Variants in KCTD18 observed in about 807,000 individuals in gnomAD.
KCTD18 encodes potassium channel tetramerization domain containing 18, also known as BTB/POZ domain-containing protein KCTD18.
Under a neutral mutation model 30.4 loss-of-function variants are expected in KCTD18, and 22 were observed. That is an observed-to-expected ratio of 0.72 (90% CI 0.52 to 1.03). The LOEUF (loss-of-function observed/expected upper bound fraction) is 1.03. Ranked by LOEUF, KCTD18 falls within the 50% of genes least tolerant of loss-of-function variation. The pLI, the probability that KCTD18 is intolerant of heterozygous loss-of-function variation, is 0.00. For missense variants in KCTD18, 529 were observed against 547.6 expected (o/e 0.97, Z 0.34); for synonymous variants, 186 against 209.0 (o/e 0.89, Z 0.95).
rs376966621 is a variant in KCTD18 at position 200,504,938 on chromosome 2, T to C, written c.182A>G (p.Asp61Gly). 4 of 1,613,852 alleles carry C rather than the reference T, an allele frequency of 2.5e-6. No individual in the cohort carries two copies. The highest frequency in any genetic ancestry group is 3.4e-6 in the Non-Finnish European group (4 of 1,179,918). Residue 61 changes from aspartate to glycine, a missense_variant, in exon 3 of 7, where the codon GAT (aspartate) becomes GGT (glycine). Asp to Gly is a moderately conservative substitution (Grantham distance 94). Coordinates refer to ENST00000359878, the MANE Select transcript of KCTD18 (RefSeq NM_152387.4). ...CAAAAGGTATTTAAATAGACGTCCA[T>C]CACGGTCAATAACACAAGCCCCTAG... ...DESGACVIDRDGRLFKYLLDY... is the reference protein window; with the variant it reads ...DESGACVIDRGGRLFKYLLDY...
chr2:200,492,425 A>C (rs902246221), intron 6 of KCTD18, among the ~76,000 whole-genome samples: 4 of 152,230 alleles, frequency 2.6e-5, no homozygotes, highest in Admixed American at 2.0e-4. Flanking sequence ...AGGTAAAATA[A>C]ATGATAATAA....
At chr2:200,492,053 T>G (rs1178620471) in intron 6 of KCTD18, among the ~76,000 whole-genome samples, 6 of 152,220 alleles carry the variant, frequency 3.9e-5, no homozygotes, top group Non-Finnish European at 7.3e-5. Flanking sequence ...AAATAATGCT[T>G]CGTAAACTTG....
intron 3 of KCTD18, among the ~76,000 whole-genome samples, chr2:200,500,147 A>G (rs1362498891): frequency 6.6e-6 from 1 of 151,598 alleles, no homozygotes; most frequent in African/African-American, 2.4e-5. Context: ...AATAAGAGCT[A>G]TCTATGACAA....
intron 1 of KCTD18, among the ~76,000 whole-genome samples, chr2:200,509,109 G>A (rs576709627): frequency 6.6e-6 from 1 of 152,218 alleles, no homozygotes; most frequent in Non-Finnish European, 1.5e-5. Context: ...GCCAGCCATT[G>A]TAAGAGACAC....
intron 2 of KCTD18, among the ~76,000 whole-genome samples, chr2:200,505,221 C>A (rs940390792): frequency 2.6e-5 from 4 of 152,198 alleles, no homozygotes; most frequent in African/African-American, 9.7e-5. Context: ...GTGGGACAAT[C>A]ACCTGTAGTT....
At chr2:200,502,970 C>T (rs888070301) in intron 3 of KCTD18, among the ~76,000 whole-genome samples, 1 of 148,804 alleles carries the variant, frequency 6.7e-6, no homozygotes, top group African/African-American at 2.5e-5. Context: ...GTAGAGGTTG[C>T]GGTGAACTGA....
Position 200,507,239 on chromosome 2 carries a change from G to T in KCTD18, c.-75-148C>A, listed in dbSNP as rs753126763. The T allele has an allele frequency of 1.6e-5, 6 of 368,666 alleles. No individual in the cohort carries two copies. In the East Asian group the frequency reaches 2.6e-4, roughly 16 times the overall value. 22.8% of individuals were successfully genotyped at this position (368,666 alleles called of 1,614,324 possible). A position where few individuals can be genotyped will look rare whatever the true frequency, so the allele number is the denominator to read the frequency against. ...ATTTTATATAATATAAGAGAATTTCGAGATATGCTAAGAAGTTGGAAAATG... is the reference window on the plus strand; with the variant it reads ...ATTTTATATAATATAAGAGAATTTCTAGATATGCTAAGAAGTTGGAAAATG... On this transcript the variant is annotated intron_variant, in intron 1 of 6. Transcript: ENST00000359878.
At chr2:200,505,026 A>G in intron 2 of KCTD18, 67 bp from the exon 3 acceptor site, 1 of 1,288,704 alleles carries the variant, frequency 7.8e-7, no homozygotes, top group Non-Finnish European at 1.1e-6. Context: ...CAACAAATCA[A>G]ACTAGGTCTG....
intron 1 of KCTD18, 68 bp from the exon 2 acceptor site, chr2:200,507,159 T>C (rs1302400672): frequency 3.7e-6 from 2 of 535,112 alleles, no homozygotes; most frequent in African/African-American, 1.9e-5. Context: ...ATAATAAATA[T>C]ACTTTAACAT....
intron 1 of KCTD18, among the ~76,000 whole-genome samples, chr2:200,507,979 T>C (rs2030285918): frequency 6.6e-6 from 1 of 152,110 alleles, no homozygotes; most frequent in South Asian, 2.1e-4. Flanking sequence ...CAGCCTGAGA[T>C]CAGAATTCTA....
chr2:200,497,800 GC>G lies in KCTD18; in HGVS notation c.613del (p.Ala205GlnfsTer3). 1 of 1,612,324 alleles carries G rather than the reference GC, an allele frequency of 6.2e-7. No individual in the cohort carries two copies. The highest frequency in any genetic ancestry group is 1.1e-5 in the South Asian group (1 of 91,034). ...VQYIWSYYSV[A>X]ELKKMMDAFD... ...GGCATCCATCATTTTCTTCAACTCT[GC>G]TACTGAATAATAGCTCCAAATGTAC... On this transcript the variant is annotated frameshift_variant, in exon 5 of 7. Coordinates refer to ENST00000359878, the MANE Select transcript of KCTD18 (RefSeq NM_152387.4). LOFTEE classifies it high-confidence loss of function.
At position 200,504,786 on chromosome 2, in the gene KCTD18, C is replaced by T; in HGVS notation, c.334G>A (p.Glu112Lys). Reference protein sequence around the residue: ...SLSDHLANEMETYSLRSNIEL... With the variant: ...SLSDHLANEMKTYSLRSNIEL... Reference sequence around the variant, plus strand: ...ATATTTGACCTTAAAGAATATGTCTCCATTTCATTGGCCAAATGGTCAGAC... The same window carrying T: ...ATATTTGACCTTAAAGAATATGTCTTCATTTCATTGGCCAAATGGTCAGAC... Residue 112 changes from glutamate to lysine, a missense_variant, in exon 3 of 7, where the codon GAG becomes AAG. Transcript: ENST00000359878. 6.2e-7 allele frequency: 1 copy of T among 1,614,134 alleles called. No individual in the cohort carries two copies.
At chr2:200,497,262 T>C (rs2088010667) in intron 5 of KCTD18, 1 of 157,960 alleles carries the variant, frequency 6.3e-6, no homozygotes. Flanking sequence ...TAAGAGATAC[T>C]GAATGTAAAC....
At chr2:200,492,321 C>G (rs2087931594) in intron 6 of KCTD18, among the ~76,000 whole-genome samples, 1 of 152,150 alleles carries the variant, frequency 6.6e-6, no homozygotes, top group Admixed American at 6.5e-5. Flanking sequence ...AAAATGTTGC[C>G]AAACATTGTC....
chr2:200,492,032 T>C (rs939680627), intron 6 of KCTD18, among the ~76,000 whole-genome samples: 7 of 152,204 alleles, frequency 4.6e-5, no homozygotes, highest in Non-Finnish European at 7.3e-5. Flanking sequence ...GTTATCCTGT[T>C]GATGCATCAA....
intron 4 of KCTD18, among the ~76,000 whole-genome samples, chr2:200,498,440 T>C (rs1048810775): frequency 1.3e-5 from 2 of 152,200 alleles, no homozygotes; most frequent in African/African-American, 4.8e-5. Context: ...AGTCATAAAA[T>C]TCTAAAGCTG....
intron 5 of KCTD18, 130 bp from the exon 6 acceptor site, chr2:200,493,404 C>G: frequency 1.6e-6 from 1 of 641,654 alleles, no homozygotes; most frequent in East Asian, 2.7e-5. Flanking sequence ...GTGTGCACAA[C>G]ATGAACAGGA....
rs765040191 is a variant in KCTD18, at chr2:200,497,842, G to A, written c.572C>T (p.Ala191Val). ...CCAAATGTACTGAACATTATTTCCC[G>A]CCTCTCTAGAAATATTGCAAAGAGT... ...IHSKGIFKRE[A>V]GNNVQYIWSY... The change falls in exon 5 of 7, where the codon GCG (alanine) becomes GTG (valine). Residue 191 changes from alanine to valine, a missense_variant. Ala to Val is a moderately conservative substitution (Grantham distance 64, BLOSUM62 0). Coordinates refer to ENST00000359878, the MANE Select transcript of KCTD18 (RefSeq NM_152387.4). 3.0e-5 allele frequency: 48 copies of A among 1,605,504 alleles called. No individual in the cohort carries two copies. The highest frequency in any genetic ancestry group is 1.6e-4 in the Middle Eastern group (1 of 6,070).
In KCTD18 at chr2:200,490,353, G is replaced by A. The variant is rs1287920054; in HGVS notation, c.1028C>T (p.Pro343Leu). Residue 343 changes from proline to leucine, a missense_variant, in exon 7 of 7, where the codon CCT becomes CTT. Physicochemically the swap from Pro to Leu is moderately conservative, Grantham distance 98 (BLOSUM62 -3). Transcript: ENST00000359878. ...GCTCGCAGCCCCAGGGGAAGCCTGA[G>A]GATGCCCAGGTGCCCCCGTGCCCAC... ...ALVGTGAPGHPQASPGAASAE... is the reference protein window; with the variant it reads ...ALVGTGAPGHLQASPGAASAE... 1.2e-6 allele frequency: 2 copies of A among 1,614,110 alleles called. No individual in the cohort carries two copies. The highest frequency in any genetic ancestry group is 1.3e-5 in the African/African-American group (1 of 74,948).
Sources: gnomAD v4.1 joint callset for allele counts (sites outside exome capture counted in the v4.1 genomes callset) on GRCh38, gnomAD v4.1.1 for gene constraint, MANE v1.5 for transcripts, NCBI Gene and HGNC (gene_info 2026-07-23, HGNC 2026-07-21) for gene names.